TGFB2: variants seen among roughly 807,000 people sequenced by gnomAD.
The protein encoded by TGFB2 is transforming growth factor beta 2.
TGFB2 carries 13 observed loss-of-function variants against 42.7 expected under a neutral mutation model. That is an observed-to-expected ratio of 0.30 (90% CI 0.20 to 0.48). The LOEUF is 0.48. Ranked by LOEUF, TGFB2 falls within the 20% of genes least tolerant of loss-of-function variation. The pLI, the probability that TGFB2 is intolerant of heterozygous loss-of-function variation, is 0.99. For synonymous variants in TGFB2, 193 were observed against 193.6 expected, an observed-to-expected ratio of 1.00 and a Z score of 0.03; for missense variants, 390 against 517.5, an observed-to-expected ratio of 0.75 and a Z score of 2.39.
At chr1:218,369,713 G>A (rs1482281430) in intron 1 of TGFB2, among the ~76,000 whole-genome samples, 1 of 152,180 alleles carries the variant, frequency 6.6e-6, no homozygotes, top group Non-Finnish European at 1.5e-5. Context: ...TATACCCATA[G>A]CTGACCATAC....
chr1:218,379,180 T>A (rs1013040319), intron 1 of TGFB2, among the ~76,000 whole-genome samples: 2 of 148,812 alleles, frequency 1.3e-5, no homozygotes, highest in Non-Finnish European at 3.0e-5. Flanking sequence ...TCACCCAGGC[T>A]GGAGTGCAGT....
intron 1 of TGFB2, among the ~76,000 whole-genome samples, chr1:218,365,035 G>C (rs558414983): frequency 1.3e-5 from 2 of 152,076 alleles, no homozygotes; most frequent in Non-Finnish European, 2.9e-5. Flanking sequence ...TATGTCCCTG[G>C]TACTTAAGAC....
chr1:218,371,940 G>A (rs1382664012), intron 1 of TGFB2, among the ~76,000 whole-genome samples: 2 of 152,160 alleles, frequency 1.3e-5, no homozygotes, highest in African/African-American at 4.8e-5. Context: ...GTTCCTACCT[G>A]TTGTTTCCGG....
At chr1:218,363,268 G>T (rs1657277470) in intron 1 of TGFB2, 1 of 1,330,826 alleles carries the variant, frequency 7.5e-7, no homozygotes. Context: ...TTGAATCTTT[G>T]TATAGTTCTG....
In TGFB2 at chr1:218,423,586, G is replaced by C. The variant is rs537091077; in HGVS notation, c.511-10496G>C. 3.3e-5 allele frequency among the ~76,000 whole-genome samples: 5 copies of C among 152,286 alleles called. No homozygotes were observed. In the South Asian group the frequency reaches 1.0e-3, roughly 32 times the overall value. ...ATAGGGTTGCTAGTTAGAAGCCAAAGTTTGGAAGTTTGGAGTATATAATCC... is the reference window on the plus strand; with the variant it reads ...ATAGGGTTGCTAGTTAGAAGCCAAACTTTGGAAGTTTGGAGTATATAATCC... On this transcript the variant is annotated intron_variant, in intron 2 of 6. Transcript: ENST00000366930.
At chr1:218,384,811 A>G (rs184047899) in intron 1 of TGFB2, among the ~76,000 whole-genome samples, 13 of 152,232 alleles carry the variant, frequency 8.5e-5, no homozygotes, top group African/African-American at 3.1e-4. Flanking sequence ...TGGATGGTTA[A>G]CATGAAACGT....
chr1:218,394,357 C>G (rs1036738847), intron 1 of TGFB2, among the ~76,000 whole-genome samples: 1 of 152,118 alleles, frequency 6.6e-6, no homozygotes, highest in Admixed American at 6.5e-5. Flanking sequence ...TAGGTGTCTC[C>G]GTGTAGGTGG....
At position 218,441,556 on chromosome 1, in the gene TGFB2, C is replaced by CA. The variant is rs1159053834; in HGVS notation, c.*201dup. 3 of 479,336 alleles carry CA rather than the reference C, an allele frequency of 6.3e-6. No homozygotes were observed. The highest frequency in any genetic ancestry group is 2.0e-5 in the African/African-American group (1 of 49,680). 29.7% of individuals were successfully genotyped at this position (479,336 alleles called of 1,614,324 possible). The stretch of plus-strand genomic sequence containing the variant: ...TGTTTGTTAAAACTGGCATCTGACA[C>CA]AAAAAAAGTTGAAGGCCTTATTCTA... On this transcript the variant is annotated 3_prime_UTR_variant, in exon 7 of 7. Coordinates refer to ENST00000366930, the MANE Select transcript of TGFB2 (RefSeq NM_003238.6).
At chr1:218,436,295 T>C (rs1659970639) in intron 5 of TGFB2, 148 bp downstream of exon 5, 1 of 732,584 alleles carries the variant, frequency 1.4e-6, no homozygotes, top group African/African-American at 1.8e-5. Flanking sequence ...CATAATACCA[T>C]TCTTCCCAGA....
chr1:218,386,138 C>A (rs1658128422), intron 1 of TGFB2, among the ~76,000 whole-genome samples: 1 of 152,122 alleles, frequency 6.6e-6, no homozygotes. Context: ...CAGAACAAAT[C>A]TTTATCAGGA....
chr1:218,365,884 C>A (rs1454673055), intron 1 of TGFB2, among the ~76,000 whole-genome samples: 1 of 152,152 alleles, frequency 6.6e-6, no homozygotes, highest in Non-Finnish European at 1.5e-5. Context: ...ATGTTGGGAG[C>A]GGCTGAAGTG....
chr1:218,360,989 G>A (rs1433180054), intron 1 of TGFB2, among the ~76,000 whole-genome samples: 1 of 152,092 alleles, frequency 6.6e-6, no homozygotes, highest in Non-Finnish European at 1.5e-5. Flanking sequence ...TGAGTAACTG[G>A]GACTACAGGC....
At chr1:218,434,278 T>C in intron 3 of TGFB2, 60 bp from the exon 4 acceptor site, 1 of 1,610,940 alleles carries the variant, frequency 6.2e-7, no homozygotes, top group Non-Finnish European at 8.5e-7. Context: ...TTTAAATTGA[T>C]TGCAGATTTA....
chr1:218,386,541 G>A (rs139017982), intron 1 of TGFB2, among the ~76,000 whole-genome samples: 157 of 152,324 alleles, frequency 1.0e-3, no homozygotes, highest in African/African-American at 3.1e-3. Context: ...TTTCTAAGAT[G>A]TGTCCTACTG....
At chr1:218,348,866 T>C (rs1656779656) in intron 1 of TGFB2, among the ~76,000 whole-genome samples, 1 of 152,204 alleles carries the variant, frequency 6.6e-6, no homozygotes, top group Non-Finnish European at 1.5e-5. Flanking sequence ...CTGCCAGCAC[T>C]TCTATAACAC....
At chr1:218,360,727 C>G (rs1016651824) in intron 1 of TGFB2, among the ~76,000 whole-genome samples, 3 of 152,182 alleles carry the variant, frequency 2.0e-5, no homozygotes, top group African/African-American at 7.2e-5. Flanking sequence ...ATAAATGCCT[C>G]AGATTTTGAG....
At chr1:218,407,314 A>C (rs1016383414) in intron 2 of TGFB2, among the ~76,000 whole-genome samples, 1 of 152,172 alleles carries the variant, frequency 6.6e-6, no homozygotes, top group African/African-American at 2.4e-5. Flanking sequence ...TCTTGAGCTC[A>C]AGAGATCATC....
chr1:218,392,371 A>C (rs576993392), intron 1 of TGFB2, among the ~76,000 whole-genome samples: 4 of 152,062 alleles, frequency 2.6e-5, no homozygotes, highest in African/African-American at 9.6e-5. Flanking sequence ...CAAACAAACA[A>C]ACAAACAAAA....
intron 1 of TGFB2, among the ~76,000 whole-genome samples, chr1:218,392,249 A>G (rs894894367): frequency 1.8e-4 from 28 of 152,168 alleles, no homozygotes; most frequent in Non-Finnish European, 3.8e-4. Flanking sequence ...GCTACTCAGG[A>G]GGCTGAGGCA....
Sources: allele counts gnomAD v4.1 joint callset (sites outside exome capture counted in the v4.1 genomes callset), GRCh38; gene constraint gnomAD v4.1.1; transcripts MANE v1.5; gene names NCBI Gene and HGNC (gene_info 2026-07-23, HGNC 2026-07-21).